Variants in GFAP observed in about 807,000 individuals in gnomAD.
GFAP encodes the protein glial fibrillary acidic protein.
Under a neutral mutation model 49.3 loss-of-function variants are expected in GFAP, and 38 were observed. The ratio of observed to expected loss-of-function variants is 0.77; its 90% confidence interval spans 0.60 to 1.01. The LOEUF (loss-of-function observed/expected upper bound fraction) is 1.01, where lower values mean the gene tolerates loss of function less well. GFAP is among the 50% of genes least tolerant of loss of function. The probability of loss-of-function intolerance (pLI) is 0.00; values close to 1 mark genes in which losing one functional copy is unlikely to be tolerated. For synonymous variants in GFAP, 222 were observed against 236.4 expected (o/e 0.94, Z 0.56); for missense variants, 463 against 579.1 (o/e 0.80, Z 2.06).
At chr17:44,914,169 T>C in intron 1 of GFAP, 81 bp from the exon 2 acceptor site, 1 of 1,032,444 alleles carries the variant, frequency 9.7e-7, no homozygotes, top group Non-Finnish European at 1.5e-6. Flanking sequence ...TTGAGGCAGC[T>C]GTCACAGAGA....
At position 44,904,134 on chromosome 17, in the gene GFAP, G is replaced by A. The variant is rs372939480; in HGVS notation, c.*3213C>T. On this transcript the variant is annotated 3_prime_UTR_variant, in exon 9 of 9. Coordinates refer to ENST00000588735, the MANE Select transcript of GFAP (RefSeq NM_002055.5). ...CGTGTGGGCAGCGACATGCTGACCC[G>A]CTTCAGCATCCGCATGTTCAGCTTG... is the stretch of plus-strand genomic sequence containing the variant. 1.9e-4 allele frequency: 297 copies of A among 1,550,430 alleles called. 2 individuals carry two copies. Among genetic ancestry groups the A allele is most frequent in the South Asian group, 1.8e-3 (154 of 84,062 alleles).
chr17:44,913,846 G>A (rs1408589569), intron 2 of GFAP, 23 bp from the exon 3 acceptor site: 3 of 1,593,342 alleles, frequency 1.9e-6, no homozygotes, highest in Admixed American at 1.7e-5. Context: ...GAGGGGTGAG[G>A]AGTAGAGGGC....
chr17:44,905,262 G>C lies in GFAP; in HGVS notation c.*2085C>G, dbSNP rs760155221. On this transcript the variant is annotated 3_prime_UTR_variant, in exon 9 of 9. Transcript: ENST00000588735. Reference sequence around the variant, plus strand: ...AGAAGTGGAGGGGCCTGAGGCTGGTGGGAGATTGGGGACTGAGCTCAGGAT... The same window carrying C: ...AGAAGTGGAGGGGCCTGAGGCTGGTCGGAGATTGGGGACTGAGCTCAGGAT... The C allele has an allele frequency of 1.5e-5, 9 of 594,020 alleles. No individual in the cohort carries two copies. The Admixed American group carries it at 1.9e-4, about 13-fold the overall frequency. The allele number at this position is 594,020 out of a possible 1,614,324, so 36.8% of individuals were successfully genotyped here. A position where few individuals can be genotyped will look rare whatever the true frequency, so the allele number is the denominator to read the frequency against.
chr17:44,911,187 A>T, intron 6 of GFAP, 49 bp downstream of exon 6: 1 of 1,519,030 alleles, frequency 6.6e-7, no homozygotes, highest in Non-Finnish European at 9.1e-7. Context: ...GATGAGCTCT[A>T]CCGTGAGGCA....
rs1199357366 is a variant in GFAP, at chr17:44,903,725, C to T, written c.*3622G>A. 2 of 1,446,932 alleles carry T rather than the reference C, an allele frequency of 1.4e-6. No individual in the cohort carries two copies. Among genetic ancestry groups the T allele is most frequent in the Non-Finnish European group, 1.8e-6 (2 of 1,103,688 alleles). The allele number at this position is 1,446,932 out of a possible 1,614,324, so 89.6% of individuals were successfully genotyped here. On this transcript the variant is annotated 3_prime_UTR_variant, in exon 9 of 9. Coordinates refer to ENST00000588735, the MANE Select transcript of GFAP (RefSeq NM_002055.5). The stretch of plus-strand genomic sequence containing the variant: ...TGCTGCTTTTCCTGGCTGCATAATC[C>T]TTTCCTCATCTAGAGGCTTCCGCTT...
chr17:44,911,568 C>G (rs566817229), intron 5 of GFAP, 104 bp downstream of exon 5: 2 of 1,575,022 alleles, frequency 1.3e-6, no homozygotes, highest in Admixed American at 3.4e-5. Flanking sequence ...ACGTTCAGGC[C>G]CCGCCCTCGA....
At chr17:44,910,350 A>G in intron 7 of GFAP, 8 of 1,611,806 alleles carry the variant, frequency 5.0e-6, no homozygotes, top group Non-Finnish European at 6.8e-6. Flanking sequence ...GCAGATGTCA[A>G]GCTCTCACCC....
chr17:44,912,945 G>A (rs1244941900), intron 4 of GFAP: 1 of 368,776 alleles, frequency 2.7e-6, no homozygotes, highest in Non-Finnish European at 5.2e-6. Context: ...GAGCAAATTA[G>A]TTAACCTCTC....
intron 1 of GFAP, chr17:44,914,754 C>A (rs945275791): frequency 3.8e-6 from 2 of 526,246 alleles, no homozygotes; most frequent in Non-Finnish European, 6.8e-6. Flanking sequence ...ACACAGGGGC[C>A]CCGCTGCTCC....
rs777421598 is a variant in GFAP at position 44,903,862 on chromosome 17, G to A, written c.*3485C>T. Reference sequence around the variant, plus strand: ...TGGCCCTCACCACTGTGCTCCTGTGGGCATGGGGGCTCCAGGCCTTTGAAA... The same window carrying A: ...TGGCCCTCACCACTGTGCTCCTGTGAGCATGGGGGCTCCAGGCCTTTGAAA... On this transcript the variant is annotated 3_prime_UTR_variant, in exon 9 of 9. Coordinates refer to ENST00000588735, the MANE Select transcript of GFAP (RefSeq NM_002055.5). The A allele has an allele frequency of 4.8e-5, 74 of 1,536,604 alleles. No homozygotes were observed. Among genetic ancestry groups the A allele is most frequent in the Non-Finnish European group, 5.8e-5 (66 of 1,140,436 alleles).
In GFAP at chr17:44,904,714, G is replaced by T; in HGVS notation, c.*2633C>A. On this transcript the variant is annotated 3_prime_UTR_variant, in exon 9 of 9. Transcript: ENST00000588735. ...TCTCCTGTCCTGGGGCCCGGCCAGA[G>T]CATGCAGTGGCCTGGGACAAAGACC... 2.6e-6 allele frequency: 4 copies of T among 1,550,616 alleles called. No individual in the cohort carries two copies. Among genetic ancestry groups the T allele is most frequent in the Non-Finnish European group, 3.5e-6 (4 of 1,147,010 alleles).
chr17:44,913,731 C>T lies in GFAP; in HGVS notation c.615G>A (p.Glu205=). 1.2e-6 allele frequency: 2 copies of T among 1,611,658 alleles called. No homozygotes were observed. Among genetic ancestry groups the T allele is most frequent in the South Asian group, 2.2e-5 (2 of 91,032 alleles). The change falls in exon 3 of 9, where the codon GAG becomes GAA. Residue 205 remains glutamate (E), a synonymous_variant. Transcript: ENST00000588735. ...EEIRFLRKIH[E]EEVRELQEQL... ...CCTCCCTCTGCCCTGGCCTCACCTC[C>T]TCGTGGATCTTCCTCAAGAACCGGA...
chr17:44,912,958 G>A, intron 4 of GFAP: 1 of 396,574 alleles, frequency 2.5e-6, no homozygotes, highest in Non-Finnish European at 4.8e-6. Flanking sequence ...AACCTCTCTG[G>A]ACTTCGGCTC....
Position 44,913,394 on chromosome 17 carries a change from G to A in GFAP, c.655C>T (p.Gln219Ter). The A allele has an allele frequency of 1.2e-6, 2 of 1,614,188 alleles. No individual in the cohort carries two copies. Among genetic ancestry groups the A allele is most frequent in the Non-Finnish European group, 1.7e-6 (2 of 1,180,030 alleles). The change falls in exon 4 of 9, where the codon CAG becomes TAG. Residue 219 changes from glutamine to a stop codon, truncating the protein, a stop_gained. Coordinates refer to ENST00000588735, the MANE Select transcript of GFAP (RefSeq NM_002055.5). LOFTEE classifies it high-confidence loss of function. ...GCCACGTCAAGCTCCACATGGACCT[G>A]CTGTCGGGCCAGCTGCTCCTGGAGT... ...RELQEQLARQ[Q>*]VHVELDVAKP...
intron 4 of GFAP, 148 bp downstream of exon 4, chr17:44,913,121 C>T (rs1464194514): frequency 1.2e-6 from 1 of 804,814 alleles, no homozygotes; most frequent in Non-Finnish European, 2.2e-6. Flanking sequence ...CCTGTGTGAC[C>T]CTGGGCAAGC....
intron 7 of GFAP, chr17:44,910,076 G>T: frequency 6.2e-7 from 1 of 1,612,388 alleles, no homozygotes; most frequent in Non-Finnish European, 8.5e-7. Flanking sequence ...GGGAGGATGG[G>T]GTGGGTGAGG....
At position 44,904,967 on chromosome 17, in the gene GFAP, C is replaced by T. The variant is rs1289950339; in HGVS notation, c.*2380G>A. 5 of 1,550,638 alleles carry T rather than the reference C, an allele frequency of 3.2e-6. No homozygotes were observed. Among genetic ancestry groups the T allele is most frequent in the Non-Finnish European group, 4.4e-6 (5 of 1,147,028 alleles). On this transcript the variant is annotated 3_prime_UTR_variant, in exon 9 of 9. Transcript: ENST00000588735. ...TCCTGAGACTCGCTCGGCTGTGGAG[C>T]TCACCCTGATAGGCTACCTGCTCAT...
At chr17:44,913,925 GAGC>G in intron 2 of GFAP, 100 bp downstream of exon 2, 1 of 1,316,692 alleles carries the variant, frequency 7.6e-7, no homozygotes, top group Non-Finnish European at 1.1e-6. Flanking sequence ...GGGCAGTGGG[GAGC>G]AGCACATTGC....
At chr17:44,914,944 T>C in intron 1 of GFAP, 82 bp downstream of exon 1, 1 of 1,289,928 alleles carries the variant, frequency 7.8e-7, no homozygotes, top group Non-Finnish European at 1.1e-6. Context: ...GTTCGGCCCC[T>C]CCCTGAGACT....
Sources: allele counts gnomAD v4.1 joint callset, GRCh38; gene constraint gnomAD v4.1.1; transcripts MANE v1.5; gene names NCBI Gene and HGNC (gene_info 2026-07-23, HGNC 2026-07-21).